Variants in RIMS2 observed in about 807,000 individuals in gnomAD.
RIMS2 encodes the protein regulating synaptic membrane exocytosis protein 2.
RIMS2 carries 59 observed loss-of-function variants against 174.4 expected under a neutral mutation model. The observed-to-expected ratio is 0.34, with a 90% confidence interval of 0.27 to 0.42. The LOEUF is 0.42. Among genes scored for constraint, RIMS2 ranks in the 10% least tolerant of loss-of-function variants. RIMS2 has a pLI of 1.00. For synonymous variants in RIMS2, 606 were observed against 572.5 expected (o/e 1.06, Z -0.84); for missense variants, 1,620 against 1,666.3 (o/e 0.97, Z 0.48).
intron 1 of RIMS2, among the ~76,000 whole-genome samples, chr8:103,615,822 G>A (rs773690847): frequency 6.6e-6 from 1 of 152,136 alleles, no homozygotes; most frequent in Non-Finnish European, 1.5e-5. Context: ...ACTGAGCCAG[G>A]AAGTAATTGA....
chr8:103,977,001 T>C (rs969374589), intron 16 of RIMS2: 1 of 152,218 alleles, frequency 6.6e-6, no homozygotes, highest in Non-Finnish European at 1.5e-5. Flanking sequence ...GTGCATAATT[T>C]ACATTGTACA....
intron 1 of RIMS2, 62 bp downstream of exon 1, chr8:103,501,124 C>A: frequency 3.9e-6 from 5 of 1,271,384 alleles, no homozygotes; most frequent in Non-Finnish European, 5.3e-6. Flanking sequence ...GCCCACTGCC[C>A]TGCGGCCGCC....
At chr8:103,648,767 G>A (rs891738811) in intron 1 of RIMS2, among the ~76,000 whole-genome samples, 20 of 152,164 alleles carry the variant, frequency 1.3e-4, no homozygotes, top group African/African-American at 4.1e-4. Context: ...TGCAACCCCT[G>A]TGTTTTCTGT....
At chr8:103,584,386 A>G (rs777610452) in intron 1 of RIMS2, among the ~76,000 whole-genome samples, 5 of 152,172 alleles carry the variant, frequency 3.3e-5, no homozygotes, top group Non-Finnish European at 7.4e-5. Flanking sequence ...GCAATAAATA[A>G]TCACCTGAAG....
At chr8:103,683,700 C>T (rs532232337) in intron 1 of RIMS2, among the ~76,000 whole-genome samples, 69 of 152,242 alleles carry the variant, frequency 4.5e-4, no homozygotes, top group South Asian at 1.0e-3. Flanking sequence ...TGGAAATGCA[C>T]AGTATGGCAC....
chr8:103,897,530 G>A (rs1339916169), intron 4 of RIMS2, among the ~76,000 whole-genome samples: 2 of 151,724 alleles, frequency 1.3e-5, no homozygotes, highest in African/African-American at 4.9e-5. Context: ...TCCTACTGAT[G>A]CTCAAATATG....
chr8:104,087,387 A>G (rs556742747), intron 19 of RIMS2, among the ~76,000 whole-genome samples: 5 of 152,208 alleles, frequency 3.3e-5, no homozygotes, highest in African/African-American at 4.8e-5. Flanking sequence ...ACATGGATGG[A>G]TGGATGGATG....
chr8:104,101,467 A>G (rs2097900208), intron 19 of RIMS2, among the ~76,000 whole-genome samples: 1 of 152,158 alleles, frequency 6.6e-6, no homozygotes, highest in Admixed American at 6.6e-5. Flanking sequence ...TAGACATAAT[A>G]ATTGAAATTT....
At chr8:104,032,798 G>A (rs1480094397) in intron 19 of RIMS2, among the ~76,000 whole-genome samples, 2 of 152,038 alleles carry the variant, frequency 1.3e-5, no homozygotes, top group Admixed American at 1.3e-4. Context: ...TTTAAAAGAT[G>A]TCAATGTAAA....
chr8:104,161,087 C>T (rs770881419), intron 19 of RIMS2, among the ~76,000 whole-genome samples: 5 of 152,100 alleles, frequency 3.3e-5, no homozygotes, highest in South Asian at 2.1e-4. Flanking sequence ...TTATACTAAG[C>T]GCTTAAAACT....
intron 13 of RIMS2, among the ~76,000 whole-genome samples, chr8:103,941,429 G>A (rs2082502228): frequency 6.6e-6 from 1 of 152,170 alleles, no homozygotes; most frequent in South Asian, 2.1e-4. Flanking sequence ...TGAGGCTGCA[G>A]TTAGCTGTGA....
chr8:103,920,594 G>C (rs1565317578), intron 9 of RIMS2: 1 of 454,190 alleles, frequency 2.2e-6, no homozygotes, highest in East Asian at 7.0e-5. Flanking sequence ...GGTCCCATCT[G>C]TACTTCCACA....
At chr8:103,590,056 G>A (rs1264568300) in intron 1 of RIMS2, among the ~76,000 whole-genome samples, 1 of 151,286 alleles carries the variant, frequency 6.6e-6, no homozygotes, top group Non-Finnish European at 1.5e-5. Flanking sequence ...TTACTTAATT[G>A]TACAGTTTGA....
intron 1 of RIMS2, among the ~76,000 whole-genome samples, chr8:103,563,631 A>G (rs1239605259): frequency 1.3e-5 from 2 of 152,120 alleles, no homozygotes; most frequent in Non-Finnish European, 2.9e-5. Context: ...CCTGTTACCC[A>G]GTTCCAAAGT....
intron 2 of RIMS2, among the ~76,000 whole-genome samples, chr8:103,724,719 T>A (rs1237660948): frequency 6.6e-6 from 1 of 152,242 alleles, no homozygotes; most frequent in Non-Finnish European, 1.5e-5. Flanking sequence ...GTCATAATAC[T>A]ATTTATTGAG....
intron 2 of RIMS2, among the ~76,000 whole-genome samples, chr8:103,717,899 G>T (rs191158036): frequency 6.6e-6 from 1 of 152,046 alleles, no homozygotes; most frequent in Non-Finnish European, 1.5e-5. Context: ...TTGAAAAGTG[G>T]CTGGTTGACT....
intron 2 of RIMS2, among the ~76,000 whole-genome samples, chr8:103,715,431 A>G (rs1232057083): frequency 1.3e-5 from 2 of 152,098 alleles, no homozygotes; most frequent in East Asian, 1.9e-4. Context: ...ATTTTAATAT[A>G]GGACTTTGCG....
intron 2 of RIMS2, among the ~76,000 whole-genome samples, chr8:103,742,342 A>C (rs1013229828): frequency 2.0e-5 from 3 of 152,114 alleles, no homozygotes; most frequent in African/African-American, 7.2e-5. Context: ...CCATCATTTC[A>C]TCAAATATGT....
At chr8:103,746,901 C>A (rs181432915) in intron 2 of RIMS2, among the ~76,000 whole-genome samples, 1 of 151,818 alleles carries the variant, frequency 6.6e-6, no homozygotes, top group East Asian at 1.9e-4. Flanking sequence ...AGGTTGGTCT[C>A]GATGTCCTGA....
Sources: gnomAD v4.1 joint callset for allele counts (sites outside exome capture counted in the v4.1 genomes callset) on GRCh38, gnomAD v4.1.1 for gene constraint, MANE v1.5 for transcripts, NCBI Gene and HGNC (gene_info 2026-07-23, HGNC 2026-07-21) for gene names.